JPH2: variants seen among roughly 807,000 people sequenced by gnomAD.
The protein encoded by JPH2 is junctophilin 2.
A neutral mutation model predicts 55.9 loss-of-function variants in JPH2; 38 were observed. That is an observed-to-expected ratio of 0.68 (90% confidence interval 0.52 to 0.89). The LOEUF is 0.89. Among genes scored for constraint, JPH2 ranks in the 40% least tolerant of loss-of-function variants. The pLI is 0.00. For missense variants in JPH2, 964 were observed against 1,037.6 expected (o/e 0.93, Z 0.97); for synonymous variants, 480 against 472.4 (o/e 1.02, Z -0.21).
intron 2 of JPH2, among the ~76,000 whole-genome samples, chr20:44,134,957 T>G (rs1296124297): frequency 7.3e-6 from 1 of 136,412 alleles, no homozygotes; most frequent in Admixed American, 8.4e-5. Flanking sequence ...CTGTGCCAGG[T>G]GGCTAACCAT....
chr20:44,134,296 A>AAT (rs1394766357), intron 2 of JPH2, among the ~76,000 whole-genome samples: 1 of 7,480 alleles, frequency 1.3e-4, no homozygotes, highest in African/African-American at 3.3e-4. Context: ...ATTTATTATA[A>AAT]ATATAATAAA....
intron 1 of JPH2, among the ~76,000 whole-genome samples, chr20:44,182,968 A>T (rs751761090): frequency 6.6e-5 from 10 of 152,146 alleles, no homozygotes; most frequent in Non-Finnish European, 1.2e-4. Flanking sequence ...TCCTATGCTC[A>T]TTTTGACCCA....
At chr20:44,154,455 AGTAGCCAT>A (rs1220661701) in intron 2 of JPH2, among the ~76,000 whole-genome samples, 1 of 152,238 alleles carries the variant, frequency 6.6e-6, no homozygotes, top group Non-Finnish European at 1.5e-5. Context: ...CCAAGTGCCC[AGTAGCCAT>A]GTATGGCAAG....
intron 2 of JPH2, among the ~76,000 whole-genome samples, chr20:44,132,465 A>T: frequency 7.1e-6 from 1 of 140,936 alleles, no homozygotes; most frequent in African/African-American, 2.7e-5. Context: ...TCCATTCCCT[A>T]CCCAGCTCTG....
At chr20:44,123,190 C>G (rs771588104) in intron 2 of JPH2, among the ~76,000 whole-genome samples, 1 of 152,164 alleles carries the variant, frequency 6.6e-6, no homozygotes, top group Non-Finnish European at 1.5e-5. Context: ...TCCTATCAGC[C>G]CTTCTCCCCT....
chr20:44,134,476 ATATT>A (rs1191369230), intron 2 of JPH2, among the ~76,000 whole-genome samples: 1 of 9,884 alleles, frequency 1.0e-4, no homozygotes, highest in Non-Finnish European at 1.5e-4. Flanking sequence ...ATATAAATAT[ATATT>A]TATAATATAT....
intron 1 of JPH2, among the ~76,000 whole-genome samples, chr20:44,161,085 C>A (rs2072606743): frequency 6.6e-6 from 1 of 152,162 alleles, no homozygotes; most frequent in African/African-American, 2.4e-5. Flanking sequence ...CACATACACA[C>A]ACACACACAA....
Position 44,177,732 on chromosome 20 carries a change from A to C in JPH2, c.379+8595T>G, listed in dbSNP as rs1322510096. 24 of 1,392,624 alleles carry C rather than the reference A, an allele frequency of 1.7e-5. No homozygotes were observed. In the East Asian group the frequency reaches 6.3e-4, roughly 37 times the overall value. 86.3% of individuals were successfully genotyped at this position (1,392,624 alleles called of 1,614,324 possible). ...GCAGGACTCAAGGCAGAACTAAGCG[A>C]ATCAAAGTCTTGTCTTATTTACTGT... On this transcript the variant is annotated intron_variant, in intron 1 of 5. Coordinates refer to ENST00000372980, the MANE Select transcript of JPH2 (RefSeq NM_020433.5).
chr20:44,181,733 A>G (rs2072785056), intron 1 of JPH2, among the ~76,000 whole-genome samples: 1 of 151,858 alleles, frequency 6.6e-6, no homozygotes, highest in African/African-American at 2.4e-5. Flanking sequence ...CACCTGGCTC[A>G]CTCCTGCACA....
chr20:44,144,527 C>A (rs961238352), intron 2 of JPH2, among the ~76,000 whole-genome samples: 1 of 152,198 alleles, frequency 6.6e-6, no homozygotes, highest in Non-Finnish European at 1.5e-5. Context: ...AGAGCAGGAT[C>A]TGAGCCTCGA....
At chr20:44,176,751 A>G (rs745436605) in intron 1 of JPH2, 363 of 507,866 alleles carry the variant, frequency 7.1e-4, no homozygotes, top group Non-Finnish European at 8.7e-4. Flanking sequence ...CCGTGATTGT[A>G]CCATTGCACT....
chr20:44,186,913 G>C lies in JPH2; in HGVS notation c.-208C>G. 1.7e-6 allele frequency: 1 copy of C among 602,574 alleles called. No homozygotes were observed. The highest frequency in any genetic ancestry group is 2.0e-5 in the South Asian group (1 of 50,030). 37.3% of individuals were successfully genotyped at this position (602,574 alleles called of 1,614,324 possible). ...GTCGGCTAGTCAGTGCCATGCCCGG[G>C]AGCCCCGACTCCACCAGCCAGAGCA... On this transcript the variant is annotated 5_prime_UTR_variant, in exon 1 of 6. Transcript: ENST00000372980.
At chr20:44,169,139 AC>A (rs1448715410) in intron 1 of JPH2, among the ~76,000 whole-genome samples, 1 of 149,770 alleles carries the variant, frequency 6.7e-6, no homozygotes, top group East Asian at 2.0e-4. Context: ...AATCAAATAA[AC>A]CTTTTTTCTT....
At chr20:44,116,752 C>T (rs534238647) in intron 3 of JPH2, among the ~76,000 whole-genome samples, 6 of 152,320 alleles carry the variant, frequency 3.9e-5, no homozygotes, top group African/African-American at 1.4e-4. Context: ...AAACATGGGC[C>T]TGATCATACC....
rs932394965 is a variant in JPH2, at chr20:44,116,327, G to A, written c.1348C>T (p.Leu450=). 29 of 1,545,358 alleles carry A rather than the reference G, an allele frequency of 1.9e-5. No homozygotes were observed. Among genetic ancestry groups the A allele is most frequent in the Middle Eastern group, 2.1e-4 (1 of 4,864 alleles). Residue 450 remains leucine (L), a synonymous_variant, in exon 4 of 6, where the codon CTG becomes TTG. Transcript: ENST00000372980. The stretch of plus-strand genomic sequence containing the variant: ...CCGGCGCCCCGGTCGGGGGGCTCCA[G>A]CAGGCTCTCCGAGTTCTCCAGGATC... ...QEILENSESL[L]EPPDRGAGAA... is the part of the protein sequence containing the mutation.
At chr20:44,137,615 G>T (rs372450600) in intron 2 of JPH2, among the ~76,000 whole-genome samples, 3 of 152,226 alleles carry the variant, frequency 2.0e-5, no homozygotes, top group African/African-American at 7.2e-5. Flanking sequence ...CACCAGGCGG[G>T]GCCGAACCCA....
At chr20:44,161,038 T>C (rs772861233) in intron 1 of JPH2, among the ~76,000 whole-genome samples, 2 of 152,146 alleles carry the variant, frequency 1.3e-5, no homozygotes, top group Non-Finnish European at 2.9e-5. Flanking sequence ...ATTGTGCCAC[T>C]GCACTCCAGC....
intron 2 of JPH2, among the ~76,000 whole-genome samples, chr20:44,134,198 A>AATATATAAATATATATTTATTATAAAT: frequency 3.0e-5 from 1 of 32,822 alleles, no homozygotes; most frequent in African/African-American, 1.2e-4. Flanking sequence ...ATTTATTATA[A>AATATATAAATATATATTTATTATAAAT]ATATATAAAT....
intron 1 of JPH2, among the ~76,000 whole-genome samples, chr20:44,173,774 C>T (rs554633421): frequency 2.0e-5 from 3 of 152,150 alleles, no homozygotes; most frequent in South Asian, 2.1e-4. Context: ...ATTAGCCTGG[C>T]GTGGTGGCGC....
Sources: gnomAD v4.1 joint callset for allele counts (sites outside exome capture counted in the v4.1 genomes callset) on GRCh38, gnomAD v4.1.1 for gene constraint, MANE v1.5 for transcripts, NCBI Gene and HGNC (gene_info 2026-07-23, HGNC 2026-07-21) for gene names.